The following SREBF2 variants were observed in gnomAD, a reference collection of about 807,000 sequenced individuals.
SREBF2 encodes sterol regulatory element binding transcription factor 2, also known as sterol regulatory element-binding protein 2.
Under a neutral mutation model 113.1 loss-of-function variants are expected in SREBF2, and 55 were observed. The observed-to-expected ratio is 0.49, with a 90% confidence interval of 0.39 to 0.61. The LOEUF is 0.61. Among genes scored for constraint, SREBF2 ranks in the 20% least tolerant of loss-of-function variants. The pLI, the probability that SREBF2 is intolerant of heterozygous loss-of-function variation, is 0.00. For missense variants in SREBF2, 1,349 were observed against 1,487.4 expected (o/e 0.91, Z 1.53); for synonymous variants, 593 against 605.7 (o/e 0.98, Z 0.31).
chr22:41,888,086 G>T (rs545453122), intron 11 of SREBF2, among the ~76,000 whole-genome samples: 3 of 152,274 alleles, frequency 2.0e-5, no homozygotes, highest in African/African-American at 4.8e-5. Flanking sequence ...CCACTCTGGG[G>T]CTTGCCTGTT....
At chr22:41,886,290 C>G (rs1406571229) in intron 11 of SREBF2, 1 of 152,136 alleles carries the variant, frequency 6.6e-6, no homozygotes, top group African/African-American at 2.4e-5. Context: ...ACCAGGTCTT[C>G]AGGACAGTGT....
At chr22:41,890,600 CA>C (rs1385725754) in intron 11 of SREBF2, among the ~76,000 whole-genome samples, 6 of 152,072 alleles carry the variant, frequency 3.9e-5, no homozygotes, top group Non-Finnish European at 5.9e-5. Flanking sequence ...AGATGAGTTA[CA>C]GGGGGAGGCT....
intron 7 of SREBF2, among the ~76,000 whole-genome samples, chr22:41,876,103 A>G (rs1275058303): frequency 1.3e-5 from 2 of 152,222 alleles, no homozygotes; most frequent in African/African-American, 4.8e-5. Context: ...GTTTAGGATG[A>G]GGCTGCCTCT....
chr22:41,900,930 C>T (rs1437729846), intron 16 of SREBF2: 1 of 537,316 alleles, frequency 1.9e-6, no homozygotes, highest in Non-Finnish European at 3.8e-6. Context: ...GGCCGCATAC[C>T]TCCTGGCGGG....
intron 1 of SREBF2, among the ~76,000 whole-genome samples, chr22:41,848,280 A>G (rs1026343948): frequency 8.6e-5 from 13 of 151,866 alleles, no homozygotes; most frequent in Non-Finnish European, 1.3e-4. Flanking sequence ...GTAGAGACGG[A>G]GTTTCACCGT....
At chr22:41,886,771 C>G (rs562091502) in intron 11 of SREBF2, among the ~76,000 whole-genome samples, 1 of 152,334 alleles carries the variant, frequency 6.6e-6, no homozygotes, top group Admixed American at 6.5e-5. Context: ...CGGTGGCTTA[C>G]CCCTGTAATC....
chr22:41,857,024 G>A (rs1447814940), intron 1 of SREBF2, among the ~76,000 whole-genome samples: 1 of 147,972 alleles, frequency 6.8e-6, no homozygotes, highest in Non-Finnish European at 1.5e-5. Context: ...CTGAGATCAT[G>A]CCACTGCACT....
chr22:41,859,799 C>CTTTTTTTTTT (rs1174473976), intron 1 of SREBF2, among the ~76,000 whole-genome samples: 1 of 54,346 alleles, frequency 1.8e-5, no homozygotes, highest in Non-Finnish European at 3.4e-5. Context: ...TATGGTGATT[C>CTTTTTTTTTT]TTTTTTTTTT....
At chr22:41,840,397 G>C (rs888380545) in intron 1 of SREBF2, among the ~76,000 whole-genome samples, 1 of 152,014 alleles carries the variant, frequency 6.6e-6, no homozygotes, top group South Asian at 2.1e-4. Context: ...CACTTATCTT[G>C]GGACAACCCC....
intron 16 of SREBF2, chr22:41,900,811 C>T: frequency 3.8e-6 from 2 of 525,378 alleles, no homozygotes; most frequent in South Asian, 1.6e-5. Flanking sequence ...TGCATTTGCT[C>T]CAGCGGTTTG....
intron 1 of SREBF2, among the ~76,000 whole-genome samples, chr22:41,862,530 A>G (rs2077036366): frequency 6.6e-6 from 1 of 152,048 alleles, no homozygotes; most frequent in Admixed American, 6.6e-5. Context: ...AGCTCCATAA[A>G]ACTCGCCTTC....
intron 14 of SREBF2, among the ~76,000 whole-genome samples, chr22:41,897,624 C>T (rs1449032390): frequency 6.6e-6 from 1 of 152,214 alleles, no homozygotes; most frequent in Admixed American, 6.5e-5. Flanking sequence ...ACTGGATTGA[C>T]ATCATGACAT....
intron 1 of SREBF2, 55 bp from the exon 2 acceptor site, chr22:41,866,776 T>C: frequency 1.2e-6 from 2 of 1,601,914 alleles, no homozygotes; most frequent in Non-Finnish European, 1.7e-6. Context: ...TTAAGCAAGT[T>C]TGAAAGTTCA....
chr22:41,853,433 A>AT (rs997951087), intron 1 of SREBF2, among the ~76,000 whole-genome samples: 3 of 152,170 alleles, frequency 2.0e-5, no homozygotes, highest in South Asian at 4.2e-4. Flanking sequence ...GGATTCTGTG[A>AT]TTTTGTCATG....
At chr22:41,864,245 T>C (rs1286702055) in intron 1 of SREBF2, among the ~76,000 whole-genome samples, 1 of 94,962 alleles carries the variant, frequency 1.1e-5, no homozygotes, top group Non-Finnish European at 2.1e-5. Flanking sequence ...TATATATATA[T>C]ATATATATAT....
Position 41,900,400 on chromosome 22 carries a change from G to A in SREBF2, c.2809G>A (p.Gly937Arg), listed in dbSNP as rs754740321. The part of the protein sequence containing the change: ...MHASLPGKAD[G>R]QQSSFCHCER... ...TGCCTCACTCCCTGGGAAAGCAGAT[G>A]GGCAGCAGAGTTCCTTCTGCCATTG... The change falls in exon 16 of 19, where the codon GGG (glycine) becomes AGG (arginine). Residue 937 changes from glycine (G) to arginine (R), a missense_variant. Gly to Arg is a moderately radical substitution (Grantham distance 125, BLOSUM62 -2). Transcript: ENST00000361204. 1.2e-6 allele frequency: 2 copies of A among 1,613,912 alleles called. No homozygotes were observed. Among genetic ancestry groups the A allele is most frequent in the Non-Finnish European group, 8.5e-7 (1 of 1,180,030 alleles).
chr22:41,890,547 T>A (rs969190619), intron 11 of SREBF2, among the ~76,000 whole-genome samples: 3 of 152,120 alleles, frequency 2.0e-5, no homozygotes, highest in African/African-American at 7.2e-5. Flanking sequence ...TCTAAACAGT[T>A]GTGGGGTTCT....
At chr22:41,878,717 A>G in intron 9 of SREBF2, 1 of 1,304,330 alleles carries the variant, frequency 7.7e-7, no homozygotes, top group South Asian at 1.2e-5. Context: ...TTAAACATCC[A>G]CATTTCAAGA....
chr22:41,897,146 C>G lies in SREBF2; in HGVS notation c.2590C>G (p.Leu864Val), dbSNP rs1366074660. ...MSPPLSRSSV[L>V]KSALGPDIIC... ...CCCCCCACTCTCCAGGAGCTCCGTGCTCAAGTCCGCCCTGGGTAAGCACCT... is the reference window on the plus strand; with the variant it reads ...CCCCCCACTCTCCAGGAGCTCCGTGGTCAAGTCCGCCCTGGGTAAGCACCT... The change falls in exon 14 of 19, where the codon CTC becomes GTC. Residue 864 changes from leucine (L) to valine (V), a missense_variant. Coordinates refer to ENST00000361204, the MANE Select transcript of SREBF2 (RefSeq NM_004599.4). 1.2e-6 allele frequency: 2 copies of G among 1,611,114 alleles called. No individual in the cohort carries two copies. Among genetic ancestry groups the G allele is most frequent in the African/African-American group, 1.3e-5 (1 of 74,834 alleles).
Sources: gnomAD v4.1 joint callset for allele counts (sites outside exome capture counted in the v4.1 genomes callset) on GRCh38, gnomAD v4.1.1 for gene constraint, MANE v1.5 for transcripts, NCBI Gene and HGNC (gene_info 2026-07-23, HGNC 2026-07-21) for gene names.